The following AGAP1 variants were observed in gnomAD, a reference collection of about 807,000 sequenced individuals.
The protein encoded by AGAP1 is ArfGAP with GTPase domain, ankyrin repeat and PH domain 1.
In AGAP1, 29 loss-of-function variants were observed where a neutral mutation model predicts 105.3. That is an observed-to-expected ratio of 0.28 (90% CI 0.21 to 0.38). The LOEUF is 0.38. AGAP1 is among the 10% of genes least tolerant of loss of function. AGAP1 has a pLI of 1.00. For synonymous variants in AGAP1, 509 were observed against 485.9 expected, an observed-to-expected ratio of 1.05 and a Z score of -0.63; for missense variants, 998 against 1,165.1, an observed-to-expected ratio of 0.86 and a Z score of 2.09.
intron 6 of AGAP1, among the ~76,000 whole-genome samples, chr2:235,769,000 T>C (rs971327651): frequency 1.1e-4 from 16 of 152,250 alleles, no homozygotes; most frequent in African/African-American, 3.9e-4. Context: ...CCAATAATTA[T>C]ACCAACTGTA....
intron 1 of AGAP1, among the ~76,000 whole-genome samples, chr2:235,525,256 CACATAATGTGGAGGACTGAT>C (rs775221535): frequency 2.5e-4 from 37 of 150,312 alleles, no homozygotes; most frequent in Middle Eastern, 7.1e-3. Flanking sequence ...GGAGGACTGA[CACATAATGTGGAGGACTGAT>C]ACATAATGTG....
intron 1 of AGAP1, chr2:235,670,531 C>T (rs1004638976): frequency 1.5e-5 from 7 of 481,742 alleles, no homozygotes; most frequent in South Asian, 3.2e-5. Context: ...TGGAGGGGGC[C>T]CGGGCCGCGC....
At chr2:235,786,582 T>A (rs1956651308) in intron 6 of AGAP1, among the ~76,000 whole-genome samples, 1 of 152,216 alleles carries the variant, frequency 6.6e-6, no homozygotes. Flanking sequence ...CTCAGCTCTC[T>A]AAGAGATTCT....
intron 9 of AGAP1, among the ~76,000 whole-genome samples, chr2:235,816,977 GT>G (rs1958496405): frequency 6.6e-6 from 1 of 152,136 alleles, no homozygotes; most frequent in Admixed American, 6.5e-5. Context: ...TTATTTAACA[GT>G]TCCTGACAGC....
rs1473214919 is a variant in AGAP1 at position 235,993,786 on chromosome 2, G to T, written c.1645+25163G>T. The stretch of plus-strand genomic sequence containing the variant: ...CTTCTGCTTTGGCTGTGTAGATGCT[G>T]TTCCAGTCCTGGGGAGCACAGGTGT... On this transcript the variant is annotated intron_variant, in intron 13 of 17. Transcript: ENST00000304032. The surrounding 1 kb of genome is among the most constrained non-coding windows in gnomAD (Gnocchi z 5.0). 6.6e-6 allele frequency among the ~76,000 whole-genome samples: 1 copy of T among 152,140 alleles called. No individual in the cohort carries two copies. Among genetic ancestry groups the T allele is most frequent in the Non-Finnish European group, 1.5e-5 (1 of 68,016 alleles).
chr2:235,629,268 T>TTGTGTGTGTGTGTG (rs60059513), intron 1 of AGAP1, among the ~76,000 whole-genome samples: 5 of 135,720 alleles, frequency 3.7e-5, no homozygotes, highest in South Asian at 2.6e-4. Flanking sequence ...GTAGTAGTCA[T>TTGTGTGTGTGTGTG]TGTGTGTGTG....
chr2:235,697,864 CTTTAT>C (rs1335974582), intron 1 of AGAP1, among the ~76,000 whole-genome samples: 3 of 152,162 alleles, frequency 2.0e-5, no homozygotes, highest in Admixed American at 6.5e-5. Flanking sequence ...CTCCTGCGTT[CTTTAT>C]TTTAACCAGG....
Position 235,845,591 on chromosome 2 carries a change from T to C in AGAP1, c.1051-37754T>C. On this transcript the variant is annotated intron_variant, in intron 9 of 17. Coordinates refer to ENST00000304032, the MANE Select transcript of AGAP1 (RefSeq NM_001037131.3). This position sits in a 1 kb window ranked among gnomAD's most constrained non-coding sequence, Gnocchi z 4.8. ...CCAGTTATTCCTTTCCTTCCAGTTA[T>C]TCCTTTCCTGACCCCCCCCCCGATC... 1.6e-5 allele frequency among the ~76,000 whole-genome samples: 1 copy of C among 62,224 alleles called. No homozygotes were observed. The highest frequency in any genetic ancestry group is 5.4e-4 in the East Asian group (1 of 1,868). 40.8% of individuals were successfully genotyped at this position (62,224 alleles called of 152,430 possible).
intron 11 of AGAP1, among the ~76,000 whole-genome samples, chr2:235,923,714 C>T (rs758062041): frequency 6.6e-6 from 1 of 152,142 alleles, no homozygotes; most frequent in Non-Finnish European, 1.5e-5. Flanking sequence ...TCCGTTGTGC[C>T]GTGATGTACC....
At chr2:235,717,777 C>A (rs764923070) in intron 3 of AGAP1, 133 bp downstream of exon 3, 1 of 748,902 alleles carries the variant, frequency 1.3e-6, no homozygotes, top group Non-Finnish European at 2.1e-6. Context: ...GGTAAAAACC[C>A]TTAAGTATGT....
At position 235,855,823 on chromosome 2, in the gene AGAP1, C is replaced by T. The variant is rs2048662572; in HGVS notation, c.1051-27522C>T. Among the ~76,000 whole-genome samples the T allele has an allele frequency of 6.6e-6, 1 of 152,148 alleles. No individual in the cohort carries two copies. The highest frequency in any genetic ancestry group is 1.9e-4 in the East Asian group (1 of 5,204). On this transcript the variant is annotated intron_variant, in intron 9 of 17. Coordinates refer to ENST00000304032, the MANE Select transcript of AGAP1 (RefSeq NM_001037131.3). This position sits in a 1 kb window ranked among gnomAD's most constrained non-coding sequence, Gnocchi z 5.0. Reference sequence around the variant, plus strand: ...TGCCTTAGAGGAAATGCCTTGTTTACCCTATGAGGTCTCTAGATGCACGGA... The same window carrying T: ...TGCCTTAGAGGAAATGCCTTGTTTATCCTATGAGGTCTCTAGATGCACGGA...
rs990720260 is a variant in AGAP1, at chr2:235,608,612, G to A, written c.164-100567G>A. Among the ~76,000 whole-genome samples the A allele has an allele frequency of 2.0e-5, 3 of 152,192 alleles. No individual in the cohort carries two copies. The highest frequency in any genetic ancestry group is 6.5e-5 in the Admixed American group (1 of 15,290). ...GCCGATGATGCCCAGAGTGTCTGGG[G>A]GACGCATCCAGGGTCCCAGGCCCAG... On this transcript the variant is annotated intron_variant, in intron 1 of 17. Transcript: ENST00000304032. The surrounding 1 kb of genome is among the most constrained non-coding windows in gnomAD (Gnocchi z 5.4).
In AGAP1 at chr2:235,959,311, A is replaced by G. The variant is rs2054082472; in HGVS notation, c.1484-9151A>G. ...CAGGCGGGGCTTTCGGGGCCTCTTC[A>G]ATTTGAGGAATACCTTGTCAGGCGA... On this transcript the variant is annotated intron_variant, in intron 12 of 17. Coordinates refer to ENST00000304032, the MANE Select transcript of AGAP1 (RefSeq NM_001037131.3). This position sits in a 1 kb window ranked among gnomAD's most constrained non-coding sequence, Gnocchi z 7.3. Among the ~76,000 whole-genome samples, 1 of 152,134 alleles carries G rather than the reference A, an allele frequency of 6.6e-6. No individual in the cohort carries two copies. The highest frequency in any genetic ancestry group is 1.5e-5 in the Non-Finnish European group (1 of 68,026).
In AGAP1 at chr2:235,744,599, T is replaced by A. The variant is rs1181072000; in HGVS notation, c.397-99T>A. ...GCACCCAGTGTGTGACCGAGGGGAT[T>A]CCTGCAGCCCCCTGCTGCCTGCCGC... On this transcript the variant is annotated intron_variant, in intron 4 of 17. Transcript: ENST00000304032. The surrounding 1 kb of genome is among the most constrained non-coding windows in gnomAD (Gnocchi z 5.2). 1 of 1,461,892 alleles carries A rather than the reference T, an allele frequency of 6.8e-7. No homozygotes were observed. Among genetic ancestry groups the A allele is most frequent in the Non-Finnish European group, 9.4e-7 (1 of 1,058,260 alleles). The allele number at this position is 1,461,892 out of a possible 1,614,324, so 90.6% of individuals were successfully genotyped here.
rs934679617 is a variant in AGAP1, at chr2:236,109,049, C to T, written c.2115-11143C>T. ...GTGGCTGTGTGAGACCTCATCTTTG[C>T]AGCTCTCAAATGCATGAGGAACAGA... On this transcript the variant is annotated intron_variant, in intron 16 of 17. Coordinates refer to ENST00000304032, the MANE Select transcript of AGAP1 (RefSeq NM_001037131.3). This position sits in a 1 kb window ranked among gnomAD's most constrained non-coding sequence, Gnocchi z 5.4. 1.3e-4 allele frequency among the ~76,000 whole-genome samples: 20 copies of T among 152,348 alleles called. No homozygotes were observed. Among genetic ancestry groups the T allele is most frequent in the African/African-American group, 4.6e-4 (19 of 41,580 alleles).
chr2:235,764,210 G>A (rs1158903459), intron 6 of AGAP1, among the ~76,000 whole-genome samples: 2 of 152,190 alleles, frequency 1.3e-5, no homozygotes, highest in Non-Finnish European at 2.9e-5. Flanking sequence ...CTTCAAAGGA[G>A]GCAAAGAAAA....
intron 3 of AGAP1, among the ~76,000 whole-genome samples, chr2:235,727,346 G>A (rs1182515431): frequency 4.6e-5 from 7 of 152,080 alleles, no homozygotes; most frequent in Admixed American, 1.3e-4. Context: ...GGGGCTGGGG[G>A]GAGGGGGTGT....
chr2:235,861,446 C>G (rs1185409814), intron 9 of AGAP1, among the ~76,000 whole-genome samples: 2 of 152,228 alleles, frequency 1.3e-5, no homozygotes, highest in African/African-American at 2.4e-5. Context: ...GGAACACACT[C>G]TTGTTGATAG....
chr2:235,908,970 G>A lies in AGAP1; in HGVS notation c.1324+64G>A. ...CAGCAACAGGTGGTCCAGGCTCGAG[G>A]ATAATGTTGGACTCCTAGGTTAAGT... On this transcript the variant is annotated intron_variant, in intron 11 of 17. Coordinates refer to ENST00000304032, the MANE Select transcript of AGAP1 (RefSeq NM_001037131.3). The surrounding 1 kb of genome is among the most constrained non-coding windows in gnomAD (Gnocchi z 4.4). 1 of 1,515,608 alleles carries A rather than the reference G, an allele frequency of 6.6e-7. No individual in the cohort carries two copies. The highest frequency in any genetic ancestry group is 1.8e-4 in the Middle Eastern group (1 of 5,434). 93.9% of individuals were successfully genotyped at this position (1,515,608 alleles called of 1,614,324 possible). A position where few individuals can be genotyped will look rare whatever the true frequency, so the allele number is the denominator to read the frequency against.
Sources: gnomAD v4.1 joint callset for allele counts (sites outside exome capture counted in the v4.1 genomes callset) on GRCh38, gnomAD v4.1.1 for gene constraint, Gnocchi (gnomAD v3.1) non-coding constraint, MANE v1.5 for transcripts, NCBI Gene and HGNC (gene_info 2026-07-23, HGNC 2026-07-21) for gene names.